The following NF1 variants were observed in gnomAD, a reference collection of about 807,000 sequenced individuals.
NF1 encodes the protein neurofibromin 1.
In NF1, 122 loss-of-function variants were observed where a neutral mutation model predicts 325.7. The ratio of observed to expected loss-of-function variants is 0.37; its 90% confidence interval spans 0.32 to 0.44. The LOEUF (loss-of-function observed/expected upper bound fraction) is 0.44. Ranked by LOEUF, NF1 falls within the 20% of genes least tolerant of loss-of-function variation. NF1 has a pLI of 1.00. For synonymous variants in NF1, 1,091 were observed against 1,186.0 expected, an observed-to-expected ratio of 0.92 and a Z score of 1.65; for missense variants, 2,140 against 3,415.4, an observed-to-expected ratio of 0.63 and a Z score of 9.31.
intron 1 of NF1, chr17:31,137,546 T>G (rs1915867936): frequency 6.6e-6 from 1 of 152,198 alleles, no homozygotes; most frequent in African/African-American, 2.4e-5. Flanking sequence ...CCTTGAGGAT[T>G]TCCTCCCATG....
chr17:31,304,295 A>G (rs755404502), intron 36 of NF1: 2 of 1,612,730 alleles, frequency 1.2e-6, no homozygotes, highest in East Asian at 2.2e-5. Flanking sequence ...GGTGGCAGGG[A>G]TTCATTAAGA....
At chr17:31,100,327 C>T (rs1236693862) in intron 1 of NF1, among the ~76,000 whole-genome samples, 1 of 152,084 alleles carries the variant, frequency 6.6e-6, no homozygotes, top group Admixed American at 6.6e-5. Flanking sequence ...ATTTGCAAAA[C>T]TGAAGCTTTT....
rs1028315362 is a variant in NF1 at position 31,325,690 on chromosome 17, C to T, written c.4836-130C>T. The T allele has an allele frequency of 4.0e-6, 3 of 752,388 alleles. No individual in the cohort carries two copies. The African/African-American group carries it at 5.3e-5, about 13-fold the overall frequency. The allele number at this position is 752,388 out of a possible 1,614,324, so 46.6% of individuals were successfully genotyped here. A position where few individuals can be genotyped will look rare whatever the true frequency, so the allele number is the denominator to read the frequency against. Reference sequence around the variant, plus strand: ...AAACAACTGATTTAAAAAATGAATCCAGACTTTGAAGAATTGTTTTATATT... The same window carrying T: ...AAACAACTGATTTAAAAAATGAATCTAGACTTTGAAGAATTGTTTTATATT... On this transcript the variant is annotated intron_variant, in intron 36 of 57. Coordinates refer to ENST00000358273, the MANE Select transcript of NF1 (RefSeq NM_001042492.3).
chr17:31,104,687 C>A (rs1028252681), intron 1 of NF1, among the ~76,000 whole-genome samples: 3 of 152,100 alleles, frequency 2.0e-5, no homozygotes, highest in African/African-American at 7.2e-5. Flanking sequence ...AGTTTAAGGT[C>A]TCAGCAAGTT....
At chr17:31,274,640 C>T (rs1219255261) in intron 36 of NF1, among the ~76,000 whole-genome samples, 2 of 152,014 alleles carry the variant, frequency 1.3e-5, no homozygotes, top group South Asian at 2.1e-4. Flanking sequence ...TATTATGAAT[C>T]GGAGTACTGC....
At chr17:31,100,567 T>A (rs1167626627) in intron 1 of NF1, among the ~76,000 whole-genome samples, 1 of 151,856 alleles carries the variant, frequency 6.6e-6, no homozygotes, top group Non-Finnish European at 1.5e-5. Flanking sequence ...TATTTTAAAT[T>A]TTTATTTATT....
chr17:31,280,549 C>T (rs1402543560), intron 36 of NF1, among the ~76,000 whole-genome samples: 1 of 145,620 alleles, frequency 6.9e-6, no homozygotes, highest in African/African-American at 2.5e-5. Context: ...AAGTAAGAAT[C>T]ATACTTAGCC....
At chr17:31,305,777 AT>A in intron 36 of NF1, 1 of 715,862 alleles carries the variant, frequency 1.4e-6, no homozygotes, top group Non-Finnish European at 2.3e-6. Flanking sequence ...ATTATTCCTA[AT>A]TTAGACTTGA....
intron 52 of NF1, 51 bp from the exon 53 acceptor site, chr17:31,356,909 T>A (rs2151581941): frequency 6.2e-7 from 1 of 1,610,596 alleles, no homozygotes. Context: ...AATAGTTAGG[T>A]GAAGTGATTA....
intron 1 of NF1, among the ~76,000 whole-genome samples, chr17:31,139,897 A>G (rs1475793486): frequency 6.6e-6 from 1 of 152,188 alleles, no homozygotes; most frequent in African/African-American, 2.4e-5. Context: ...GAGATCACCA[A>G]ATTATCTGTA....
At chr17:31,173,080 A>G (rs980643489) in intron 5 of NF1, among the ~76,000 whole-genome samples, 2 of 151,978 alleles carry the variant, frequency 1.3e-5, no homozygotes, top group Middle Eastern at 3.4e-3. Context: ...TAGGAGTTCG[A>G]GACCAGCCTG....
chr17:31,231,039 C>A (rs1317947396), intron 24 of NF1, 114 bp downstream of exon 24: 2 of 815,660 alleles, frequency 2.5e-6, no homozygotes, highest in African/African-American at 1.7e-5. Context: ...AGATGTCAAA[C>A]TTTTGTGTTT....
chr17:31,348,596 A>G (rs1320903209), intron 48 of NF1, among the ~76,000 whole-genome samples: 4 of 149,142 alleles, frequency 2.7e-5, no homozygotes, highest in Non-Finnish European at 4.4e-5. Flanking sequence ...TTCGTGGTCA[A>G]TGGCTTTAAA....
chr17:31,118,996 T>C (rs1290508741), intron 1 of NF1, among the ~76,000 whole-genome samples: 1 of 151,326 alleles, frequency 6.6e-6, no homozygotes, highest in Non-Finnish European at 1.5e-5. Context: ...GTGTGGAGTG[T>C]GGTGGCATGA....
intron 1 of NF1, among the ~76,000 whole-genome samples, chr17:31,103,508 G>A (rs1409481873): frequency 6.6e-6 from 1 of 152,086 alleles, no homozygotes; most frequent in Non-Finnish European, 1.5e-5. Flanking sequence ...GCCTCCCAAA[G>A]TGCTGGGATC....
chr17:31,244,248 G>A (rs910399100), intron 29 of NF1, among the ~76,000 whole-genome samples: 2 of 152,158 alleles, frequency 1.3e-5, no homozygotes, highest in African/African-American at 2.4e-5. Flanking sequence ...AGGCATCTCT[G>A]TTGGAGCTAC....
intron 36 of NF1, among the ~76,000 whole-genome samples, chr17:31,288,136 AT>A (rs2068275382): frequency 6.6e-6 from 1 of 152,042 alleles, no homozygotes; most frequent in Non-Finnish European, 1.5e-5. Flanking sequence ...TACAAAAAAA[AT>A]AAAAAATAAA....
intron 8 of NF1, among the ~76,000 whole-genome samples, chr17:31,199,157 G>C (rs2066483842): frequency 6.6e-6 from 1 of 151,836 alleles, no homozygotes; most frequent in African/African-American, 2.4e-5. Context: ...CTAGTTCCTT[G>C]AGGTATATGG....
intron 36 of NF1, among the ~76,000 whole-genome samples, chr17:31,287,427 T>A (rs1378333544): frequency 1.3e-5 from 2 of 152,246 alleles, no homozygotes; most frequent in Non-Finnish European, 2.9e-5. Flanking sequence ...CATGCTCTGC[T>A]GTTAAACCAC....
Sources: allele counts gnomAD v4.1 joint callset (sites outside exome capture counted in the v4.1 genomes callset), GRCh38; gene constraint gnomAD v4.1.1; transcripts MANE v1.5; gene names NCBI Gene and HGNC (gene_info 2026-07-23, HGNC 2026-07-21).